The following GPC3 variants were observed in gnomAD, a reference collection of about 807,000 sequenced individuals.
GPC3 encodes glypican 3.
Under a neutral mutation model 34.4 loss-of-function variants are expected in GPC3, and 3 were observed. The ratio of observed to expected loss-of-function variants is 0.09; its 90% CI spans 0.04 to 0.23. GPC3 has a LOEUF of 0.23. Among genes scored for constraint, GPC3 ranks in the 10% least tolerant of loss-of-function variants. The probability of loss-of-function intolerance (pLI) is 1.00; values close to 1 mark genes in which losing one functional copy is unlikely to be tolerated. For synonymous variants in GPC3, 177 were observed against 174.0 expected (o/e 1.02, Z -0.13); for missense variants, 351 against 445.6 (o/e 0.79, Z 1.91).
intron 3 of GPC3, among the ~76,000 whole-genome samples, chrX:133,733,454 T>A (rs1180980006): frequency 9.0e-6 from 1 of 111,091 alleles, no homozygotes. Context: ...ATAAAAATTT[T>A]AAAAAATCTA....
At chrX:133,681,693 C>T (rs1160157672) in intron 5 of GPC3, among the ~76,000 whole-genome samples, 1 of 111,656 alleles carries the variant, frequency 9.0e-6, no homozygotes, top group African/African-American at 3.3e-5. Flanking sequence ...AGAGCAGGGC[C>T]GCTAGCAGGA....
intron 2 of GPC3, among the ~76,000 whole-genome samples, chrX:133,792,947 C>T (rs1414651885): frequency 9.0e-6 from 1 of 111,394 alleles, no homozygotes; most frequent in East Asian, 2.8e-4. Flanking sequence ...TAACAAAAGG[C>T]CATTATGCAA....
chrX:133,708,703 T>C (rs1054361594), intron 3 of GPC3, among the ~76,000 whole-genome samples: 3 of 112,498 alleles, frequency 2.7e-5, no homozygotes, highest in Non-Finnish European at 5.6e-5. Flanking sequence ...ATATTACTTG[T>C]TGATTTCCCT....
chrX:133,972,127 C>T (rs753667825), intron 1 of GPC3, among the ~76,000 whole-genome samples: 38 of 112,016 alleles, frequency 3.4e-4, no homozygotes, highest in African/African-American at 1.2e-3. Flanking sequence ...ATTAAATTGA[C>T]CCACAGCACT....
rs1354276506 is a variant in GPC3 at position 133,985,391 on chromosome X, A to C, written c.59T>G (p.Phe20Cys). 1 of 1,192,207 alleles carries C rather than the reference A, an allele frequency of 8.4e-7. No homozygotes were observed. Among genetic ancestry groups the C allele is most frequent in the Non-Finnish European group, 1.1e-6 (1 of 886,276 alleles). Residue 20 changes from phenylalanine to cysteine, a missense_variant, in exon 1 of 8, where the codon TTC becomes TGC. Phe to Cys is a radical substitution (Grantham distance 205). Transcript: ENST00000370818. ...CGGCGGGGGCTGCGCCTGTCCCGGG[A>C]AGTCCAAGCTGAGCAGCATCGCCAC... ...LVVAMLLSLDFPGQAQPPPPP... is the reference protein window; with the variant it reads ...LVVAMLLSLDCPGQAQPPPPP...
At chrX:133,638,308 C>G (rs993639619) in intron 6 of GPC3, among the ~76,000 whole-genome samples, 1 of 111,728 alleles carries the variant, frequency 9.0e-6, no homozygotes, top group African/African-American at 3.3e-5. Context: ...TATTCTCAAG[C>G]CTAAAAATGA....
chrX:133,881,756 A>AT (rs1338835031), intron 2 of GPC3, among the ~76,000 whole-genome samples: 2 of 112,044 alleles, frequency 1.8e-5, no homozygotes, highest in Admixed American at 9.5e-5. Flanking sequence ...AGCACAAAAC[A>AT]TTTTTGTCAA....
intron 2 of GPC3, among the ~76,000 whole-genome samples, chrX:133,756,323 G>A (rs1312378017): frequency 8.9e-6 from 1 of 112,185 alleles, no homozygotes; most frequent in Non-Finnish European, 1.9e-5. Context: ...AGAAAGTACA[G>A]TTCTATTTTA....
intron 2 of GPC3, among the ~76,000 whole-genome samples, chrX:133,866,279 T>C (rs2075966561): frequency 8.9e-6 from 1 of 111,963 alleles, no homozygotes; most frequent in Admixed American, 9.5e-5. Context: ...TAGGTTGCTA[T>C]TTATTTAGGG....
intron 5 of GPC3, among the ~76,000 whole-genome samples, chrX:133,663,731 A>G (rs1195816179): frequency 8.9e-6 from 1 of 111,734 alleles, no homozygotes; most frequent in Non-Finnish European, 1.9e-5. Flanking sequence ...AGTTTGGGAC[A>G]AGAGATTATG....
At chrX:133,686,835 TGGATGG>T (rs1005747896) in intron 5 of GPC3, among the ~76,000 whole-genome samples, 2 of 108,988 alleles carry the variant, frequency 1.8e-5, no homozygotes, top group African/African-American at 6.7e-5. Context: ...ACAATACACA[TGGATGG>T]GGCCTCTGTT....
At chrX:133,941,775 T>G in intron 2 of GPC3, among the ~76,000 whole-genome samples, 1 of 112,193 alleles carries the variant, frequency 8.9e-6, no homozygotes, top group Admixed American at 9.5e-5. Flanking sequence ...AAAGAAAACT[T>G]GAATTAACAA....
intron 3 of GPC3, among the ~76,000 whole-genome samples, chrX:133,734,875 T>C (rs1385836786): frequency 9.0e-6 from 1 of 111,641 alleles, no homozygotes; most frequent in East Asian, 2.8e-4. Context: ...AACAATTCCA[T>C]TTACAATAAC....
chrX:133,960,400 C>T (rs2076436552), intron 1 of GPC3, among the ~76,000 whole-genome samples: 2 of 111,361 alleles, frequency 1.8e-5, no homozygotes, highest in African/African-American at 6.5e-5. Flanking sequence ...AAGGTCACTT[C>T]CAGGTCTCTG....
intron 4 of GPC3, among the ~76,000 whole-genome samples, chrX:133,693,156 AGTGTGTGTGTGTGTGTGTGTGT>A (rs57735935): frequency 7.8e-5 from 7 of 89,408 alleles, no homozygotes; most frequent in Non-Finnish European, 1.3e-4. Context: ...TAATAAGACA[AGTGTGTGTGTGTGTGTGTGTGT>A]GTGTGTGTGT....
intron 7 of GPC3, among the ~76,000 whole-genome samples, chrX:133,589,096 A>G (rs1015014054): frequency 9.0e-6 from 1 of 111,715 alleles, no homozygotes; most frequent in Non-Finnish European, 1.9e-5. Flanking sequence ...TGCAGTCCCC[A>G]CACTGACATC....
intron 2 of GPC3, among the ~76,000 whole-genome samples, chrX:133,764,748 A>G (rs1261293273): frequency 8.9e-6 from 1 of 111,928 alleles, no homozygotes; most frequent in Non-Finnish European, 1.9e-5. Context: ...CTGTGGACAC[A>G]CCAAGAATAA....
At chrX:133,651,064 C>T (rs2070596495) in intron 6 of GPC3, among the ~76,000 whole-genome samples, 2 of 112,015 alleles carry the variant, frequency 1.8e-5, no homozygotes, top group East Asian at 2.8e-4. Flanking sequence ...ACCAGTGATG[C>T]TTTACAACTA....
chrX:133,787,399 T>A (rs1318093660), intron 2 of GPC3, among the ~76,000 whole-genome samples: 2 of 112,711 alleles, frequency 1.8e-5, no homozygotes, highest in East Asian at 5.6e-4. Context: ...GAAGCAATGA[T>A]TAACTTTCAG....
Sources: allele counts gnomAD v4.1 joint callset (sites outside exome capture counted in the v4.1 genomes callset), GRCh38; gene constraint gnomAD v4.1.1; transcripts MANE v1.5; gene names NCBI Gene and HGNC (gene_info 2026-07-23, HGNC 2026-07-21).